Variants in DTNB observed in about 807,000 individuals in gnomAD.
DTNB encodes DTN-B.
DTNB carries 63 observed loss-of-function variants against 90.7 expected under a neutral mutation model. The observed-to-expected ratio is 0.69, with a 90% CI of 0.57 to 0.86. DTNB has a LOEUF of 0.86. Ranked by LOEUF, DTNB falls within the 40% of genes least tolerant of loss-of-function variation. DTNB has a pLI of 0.00. For missense variants in DTNB, 744 were observed against 807.1 expected, an observed-to-expected ratio of 0.92 and a Z score of 0.95; for synonymous variants, 277 against 286.7, an observed-to-expected ratio of 0.97 and a Z score of 0.34.
At chr2:25,635,876 C>T (rs1212935928) in intron 3 of DTNB, among the ~76,000 whole-genome samples, 1 of 152,192 alleles carries the variant, frequency 6.6e-6, no homozygotes, top group Non-Finnish European at 1.5e-5. Flanking sequence ...ATAGTGGTTA[C>T]TGCTACAAGA....
chr2:25,531,975 G>A (rs915069977), intron 8 of DTNB, among the ~76,000 whole-genome samples: 25 of 152,086 alleles, frequency 1.6e-4, no homozygotes, highest in Non-Finnish European at 3.2e-4. Context: ...GGCCAGGCAC[G>A]GTGGCTCATA....
Position 25,483,936 on chromosome 2 carries a change from A to G in DTNB, c.1002-1063T>C, listed in dbSNP as rs185954162. Among the ~76,000 whole-genome samples, 23 of 152,346 alleles carry G rather than the reference A, an allele frequency of 1.5e-4. 1 individual carries two copies. In the East Asian group the frequency reaches 4.2e-3, roughly 28 times the overall value. On this transcript the variant is annotated intron_variant, in intron 9 of 20. Coordinates refer to ENST00000406818, the MANE Select transcript of DTNB (RefSeq NM_021907.5). ...CTGTACCTTTTCTATGTTTAGATAC[A>G]TAAATACCCTTGTGTAACAGTTGCC...
chr2:25,452,842 C>T (rs2059480859), intron 11 of DTNB, among the ~76,000 whole-genome samples: 3 of 151,278 alleles, frequency 2.0e-5, no homozygotes, highest in Non-Finnish European at 4.4e-5. Context: ...TCGCCTATGA[C>T]ATTTGTCAAC....
At chr2:25,461,769 C>T (rs536463830) in intron 10 of DTNB, among the ~76,000 whole-genome samples, 1 of 152,284 alleles carries the variant, frequency 6.6e-6, no homozygotes, top group Non-Finnish European at 1.5e-5. Context: ...AATGACCACA[C>T]CAATAAACGT....
At chr2:25,612,195 A>G (rs1313437239) in intron 4 of DTNB, among the ~76,000 whole-genome samples, 4 of 152,212 alleles carry the variant, frequency 2.6e-5, no homozygotes, top group Non-Finnish European at 4.4e-5. Context: ...CACAAAAAGA[A>G]TAAGAAATTA....
chr2:25,549,244 TATATC>T (rs1247637820), intron 8 of DTNB, among the ~76,000 whole-genome samples: 1 of 151,880 alleles, frequency 6.6e-6, no homozygotes, highest in Non-Finnish European at 1.5e-5. Context: ...TGAATATACA[TATATC>T]AATATATACA....
chr2:25,460,297 A>G (rs1031549272), intron 10 of DTNB, among the ~76,000 whole-genome samples: 1 of 152,124 alleles, frequency 6.6e-6, no homozygotes, highest in Non-Finnish European at 1.5e-5. Context: ...GGAACATGCT[A>G]ATTATGAGAT....
intron 12 of DTNB, among the ~76,000 whole-genome samples, chr2:25,450,977 G>A (rs2059194020): frequency 6.6e-6 from 1 of 151,990 alleles, no homozygotes; most frequent in Non-Finnish European, 1.5e-5. Flanking sequence ...GCTAATTTTT[G>A]TATTTTTTAT....
chr2:25,503,053 CAAAAAAAAAAAAAAA>C (rs58871909), intron 9 of DTNB, among the ~76,000 whole-genome samples: 730 of 15,274 alleles, frequency 0.048, 9 homozygotes, highest in African/African-American at 0.095. Context: ...GACCCTATCT[CAAAAAAAAAAAAAAA>C]AAAAAAAAAA....
chr2:25,526,183 C>T (rs1260817176), intron 9 of DTNB, among the ~76,000 whole-genome samples: 1 of 151,172 alleles, frequency 6.6e-6, no homozygotes, highest in African/African-American at 2.4e-5. Context: ...AACTTTTGAC[C>T]CCAGAACTGT....
rs144502209 is a variant in DTNB at position 25,383,284 on chromosome 2, C to T, written c.1879+552G>A. On this transcript the variant is annotated intron_variant, in intron 19 of 20. Transcript: ENST00000406818. ...AGGACGGAGTGCAGTGGTGTGATCT[C>T]GGCTCACTGCAATCTCTGCCTCCCA... 1.9e-3 allele frequency among the ~76,000 whole-genome samples: 272 copies of T among 142,434 alleles called. 2 individuals are homozygous for T. Among genetic ancestry groups the T allele is most frequent in the African/African-American group, 6.8e-3 (259 of 38,162 alleles). The allele number at this position is 142,434 out of a possible 152,430, so 93.4% of individuals were successfully genotyped here.
In DTNB at chr2:25,633,363, G is replaced by GC. The variant is rs577751237; in HGVS notation, c.149-4980dup. Among the ~76,000 whole-genome samples, 357 of 152,262 alleles carry GC rather than the reference G, an allele frequency of 2.3e-3. 3 individuals are homozygous for GC. The highest frequency in any genetic ancestry group is 8.1e-3 in the African/African-American group (338 of 41,548). ...ATTTTTTTGGTGGAGACGGGGTTTC[G>GC]CTGTGTTGGCCGGGCTGGTCTCCAG... On this transcript the variant is annotated intron_variant, in intron 3 of 20. Transcript: ENST00000406818.
chr2:25,458,151 C>T (rs989551455), intron 10 of DTNB, among the ~76,000 whole-genome samples: 6 of 152,048 alleles, frequency 3.9e-5, no homozygotes, highest in African/African-American at 9.7e-5. Flanking sequence ...TTATTAACAT[C>T]GTTCTCAAAC....
chr2:25,612,287 T>C (rs1201524349), intron 4 of DTNB, among the ~76,000 whole-genome samples: 1 of 152,154 alleles, frequency 6.6e-6, no homozygotes, highest in Non-Finnish European at 1.5e-5. Flanking sequence ...TAGAAGGTTA[T>C]CTAACAACTA....
rs77193548 is a variant in DTNB, at chr2:25,543,140, T to C, written c.877-11543A>G. ...ACCATTCTAACCTCTCTGGTAAAGATTTTTGCCTTAAAATCCTTTTTCTAA... is the reference window on the plus strand; with the variant it reads ...ACCATTCTAACCTCTCTGGTAAAGACTTTTGCCTTAAAATCCTTTTTCTAA... On this transcript the variant is annotated intron_variant, in intron 8 of 20. Coordinates refer to ENST00000406818, the MANE Select transcript of DTNB (RefSeq NM_021907.5). Among the ~76,000 whole-genome samples the C allele has an allele frequency of 1.9e-3, 284 of 152,282 alleles. 2 individuals carry two copies. The highest frequency in any genetic ancestry group is 6.6e-3 in the African/African-American group (276 of 41,560).
Position 25,597,389 on chromosome 2 carries a change from G to C in DTNB, c.449-1149C>G, listed in dbSNP as rs541839397. Among the ~76,000 whole-genome samples, 252 of 151,770 alleles carry C rather than the reference G, an allele frequency of 1.7e-3. 2 individuals carry two copies. The highest frequency in any genetic ancestry group is 5.8e-3 in the African/African-American group (241 of 41,416). ...ATATTCTATATATTCACAGTGAAGA[G>C]GTATAGTAGAGATCTATACCTATTT... On this transcript the variant is annotated intron_variant, in intron 5 of 20. Transcript: ENST00000406818.
In DTNB at chr2:25,673,412, G is replaced by A. The variant is rs2086590659; in HGVS notation, c.-28C>T. ...TTGCTCACTTCCCCGCCGGAGCAGG[G>A]GTCGTCGGGAAGGTCTCCTGCGGCC... On this transcript the variant is annotated 5_prime_UTR_variant, in exon 1 of 21. Transcript: ENST00000406818. The A allele has an allele frequency of 1.3e-5, 2 of 151,130 alleles. No homozygotes were observed. The highest frequency in any genetic ancestry group is 1.3e-4 in the Admixed American group (2 of 15,178). The allele number at this position is 151,130 out of a possible 1,614,324, so 9.4% of individuals were successfully genotyped here.
intron 8 of DTNB, among the ~76,000 whole-genome samples, chr2:25,554,683 A>G (rs978184492): frequency 2.0e-5 from 3 of 152,216 alleles, no homozygotes; most frequent in Non-Finnish European, 4.4e-5. Flanking sequence ...CAATAGGAGG[A>G]TAACAGGTGT....
chr2:25,650,366 A>C (rs2080604609), intron 2 of DTNB: 4 of 471,832 alleles, frequency 8.5e-6, no homozygotes, highest in Non-Finnish European at 1.1e-5. Flanking sequence ...CAATAAATGC[A>C]CTAAAAGTTG....
Sources: gnomAD v4.1 joint callset for allele counts (sites outside exome capture counted in the v4.1 genomes callset) on GRCh38, gnomAD v4.1.1 for gene constraint, MANE v1.5 for transcripts, NCBI Gene and HGNC (gene_info 2026-07-23, HGNC 2026-07-21) for gene names.